FKBP15: variants seen among roughly 807,000 people sequenced by gnomAD.
FKBP15 encodes the protein FK506-binding protein 15.
Under a neutral mutation model 158.1 loss-of-function variants are expected in FKBP15, and 106 were observed. That is an observed-to-expected ratio of 0.67 (90% CI 0.57 to 0.79). The LOEUF (loss-of-function observed/expected upper bound fraction) is 0.79, where lower values mean the gene tolerates loss of function less well. FKBP15 is among the 30% of genes least tolerant of loss of function. The pLI, the probability that FKBP15 is intolerant of heterozygous loss-of-function variation, is 0.00. For synonymous variants in FKBP15, 547 were observed against 548.6 expected (o/e 1.00, Z 0.04); for missense variants, 1,287 against 1,479.1 (o/e 0.87, Z 2.13).
chr9:113,177,402 CA>C (rs750080287), intron 20 of FKBP15, among the ~76,000 whole-genome samples: 10 of 152,198 alleles, frequency 6.6e-5, no homozygotes, highest in Non-Finnish European at 1.2e-4. Flanking sequence ...TAAGGCACCA[CA>C]AAAGCAGAAA....
intron 12 of FKBP15, 178 bp from the exon 13 acceptor site, chr9:113,188,669 A>G (rs1436802892): frequency 5.3e-6 from 3 of 569,204 alleles, no homozygotes; most frequent in South Asian, 4.2e-5. Flanking sequence ...GCACTCTGCT[A>G]TGCAATAAAG....
intron 21 of FKBP15, among the ~76,000 whole-genome samples, chr9:113,176,266 G>A (rs1004394591): frequency 6.6e-6 from 1 of 152,086 alleles, no homozygotes; most frequent in Non-Finnish European, 1.5e-5. Context: ...TACCACTACT[G>A]TAAAAAAAGT....
At position 113,169,493 on chromosome 9, in the gene FKBP15, G is replaced by T; in HGVS notation, c.3216C>A (p.Asp1072Glu). 6.2e-7 allele frequency: 1 copy of T among 1,614,060 alleles called. No individual in the cohort carries two copies. The highest frequency in any genetic ancestry group is 8.5e-7 in the Non-Finnish European group (1 of 1,179,914). Residue 1072 changes from aspartate to glutamate, a missense_variant, in exon 26 of 28, where the codon GAC becomes GAA. Coordinates refer to ENST00000238256, the MANE Select transcript of FKBP15 (RefSeq NM_015258.2). ...LAASPMAAKP[D>E]NPSGKVCVRE... ...TGACACAGACCTTTCCTGATGGGTT[G>T]TCGGGCTTAGCTGCCATTGGGCTGG...
chr9:113,188,437 G>C lies in FKBP15; in HGVS notation c.1228C>G (p.Pro410Ala). 1 of 1,613,940 alleles carries C rather than the reference G, an allele frequency of 6.2e-7. No homozygotes were observed. The highest frequency in any genetic ancestry group is 8.5e-7 in the Non-Finnish European group (1 of 1,179,866). ...GQPVVTPSVQ[P>A]SLHPAHPALP... ...GCTGGATGGGCCGGATGAAGAGAGG[G>C]CTGGACGGACGGAGTCACCACAGGC... The change falls in exon 13 of 28, where the codon CCC becomes GCC. Residue 410 changes from proline (P) to alanine (A), a missense_variant. Pro to Ala is a conservative substitution (Grantham distance 27). Coordinates refer to ENST00000238256, the MANE Select transcript of FKBP15 (RefSeq NM_015258.2).
At chr9:113,204,111 CTT>C (rs1465241568) in intron 4 of FKBP15, among the ~76,000 whole-genome samples, 1 of 151,712 alleles carries the variant, frequency 6.6e-6, no homozygotes, top group Non-Finnish European at 1.5e-5. Flanking sequence ...ACGTTTCACT[CTT>C]GTTGCCCAGG....
rs763035975 is a variant in FKBP15, at chr9:113,168,449, G to A, written c.3582+11C>T. On this transcript the variant is annotated intron_variant, in intron 27 of 27. Coordinates refer to ENST00000238256, the MANE Select transcript of FKBP15 (RefSeq NM_015258.2). ...TGTGTGAGGACTTGACAGTGCCTGG[G>A]ATTTCCTTACCACCTCGTCTTCATC... The A allele has an allele frequency of 8.7e-6, 14 of 1,612,512 alleles. No individual in the cohort carries two copies. Among genetic ancestry groups the A allele is most frequent in the Non-Finnish European group, 1.2e-5 (14 of 1,178,550 alleles).
rs754612767 is a variant in FKBP15, at chr9:113,211,465, C to T, written c.169+12G>A. 6.3e-7 allele frequency: 1 copy of T among 1,597,338 alleles called. No homozygotes were observed. Among genetic ancestry groups the T allele is most frequent in the South Asian group, 1.1e-5 (1 of 88,090 alleles). ...TTAGCCACCTCGCTCGGCTAATACACTCTTAACTTACCTGTTGCTGCCGTT... is the reference window on the plus strand; with the variant it reads ...TTAGCCACCTCGCTCGGCTAATACATTCTTAACTTACCTGTTGCTGCCGTT... On this transcript the variant is annotated intron_variant, in intron 2 of 27. Transcript: ENST00000238256.
chr9:113,208,532 C>CT (rs993805875), intron 2 of FKBP15, among the ~76,000 whole-genome samples: 4 of 151,962 alleles, frequency 2.6e-5, no homozygotes, highest in Non-Finnish European at 4.4e-5. Flanking sequence ...TGTATTAACA[C>CT]TTTTTTTTCT....
chr9:113,179,234 CTTA>C (rs1343819413), intron 19 of FKBP15, among the ~76,000 whole-genome samples: 1 of 152,060 alleles, frequency 6.6e-6, no homozygotes, highest in East Asian at 1.9e-4. Context: ...TGTCTATTTC[CTTA>C]TTATCATTTG....
In FKBP15 at chr9:113,184,423, C is replaced by T. The variant is rs1587958209; in HGVS notation, c.1609-24G>A. 1.3e-6 allele frequency: 2 copies of T among 1,509,482 alleles called. No homozygotes were observed. The highest frequency in any genetic ancestry group is 1.9e-5 in the Admixed American group (1 of 53,870). The allele number at this position is 1,509,482 out of a possible 1,614,324, so 93.5% of individuals were successfully genotyped here. On this transcript the variant is annotated intron_variant, in intron 16 of 27. Coordinates refer to ENST00000238256, the MANE Select transcript of FKBP15 (RefSeq NM_015258.2). The surrounding 1 kb of genome is among the most constrained non-coding windows in gnomAD (Gnocchi z 4.5). ...ACCTACAAAAGGGATACCAGAAAGA[C>T]CTTGTGAGAAATTATAAAATGAAGA...
chr9:113,194,450 T>TAA (rs540298480), intron 9 of FKBP15, among the ~76,000 whole-genome samples: 53 of 144,998 alleles, frequency 3.7e-4, no homozygotes, highest in African/African-American at 1.1e-3. Flanking sequence ...ATAAATAAAT[T>TAA]AAAAAAAAAA....
At chr9:113,216,298 A>G (rs1016691128) in intron 1 of FKBP15, among the ~76,000 whole-genome samples, 1 of 152,214 alleles carries the variant, frequency 6.6e-6, no homozygotes. Context: ...GGTTTTTTTA[A>G]AACAAGTTTT....
chr9:113,207,150 A>AATT, intron 3 of FKBP15, 62 bp downstream of exon 3: 1 of 1,100,090 alleles, frequency 9.1e-7, no homozygotes, highest in Non-Finnish European at 1.3e-6. Flanking sequence ...TTTCGAGAAA[A>AATT]AGTAGCTTAA....
At position 113,171,677 on chromosome 9, in the gene FKBP15, A is replaced by G; in HGVS notation, c.2562T>C (p.Ala854=). Residue 854 remains alanine (A), a synonymous_variant, in exon 24 of 28, where the codon GCT becomes GCC. Transcript: ENST00000238256. ...KCLALQAQIT[A]LTKQNEQHIK... ...TGTGCTGTTCATTTTGCTTGGTGAG[A>G]GCTGTGATTTGGGCCTGGAGGGCTA... 1 of 1,600,732 alleles carries G rather than the reference A, an allele frequency of 6.2e-7. No individual in the cohort carries two copies. The highest frequency in any genetic ancestry group is 8.5e-7 in the Non-Finnish European group (1 of 1,173,398).
chr9:113,165,994 G>GC lies in FKBP15; in HGVS notation c.*83_*84insG. ...ATGCTCACCTTGACCTCACCCTGTGGTTCGCCTAGACCCAGGGTTGGCTGT... is the reference window on the plus strand; with the variant it reads ...ATGCTCACCTTGACCTCACCCTGTGGCTTCGCCTAGACCCAGGGTTGGCTGT... On this transcript the variant is annotated 3_prime_UTR_variant, in exon 28 of 28. Coordinates refer to ENST00000238256, the MANE Select transcript of FKBP15 (RefSeq NM_015258.2). 1 of 1,331,754 alleles carries GC rather than the reference G, an allele frequency of 7.5e-7. No individual in the cohort carries two copies. The highest frequency in any genetic ancestry group is 2.0e-5 in the Admixed American group (1 of 50,176). 82.5% of individuals were successfully genotyped at this position (1,331,754 alleles called of 1,614,324 possible). A position where few individuals can be genotyped will look rare whatever the true frequency, so the allele number is the denominator to read the frequency against.
chr9:113,216,837 A>G (rs1473105288), intron 1 of FKBP15, among the ~76,000 whole-genome samples: 1 of 152,138 alleles, frequency 6.6e-6, no homozygotes, highest in African/African-American at 2.4e-5. Flanking sequence ...AGACCAGCCA[A>G]CTGAAGACTA....
intron 14 of FKBP15, chr9:113,186,877 T>A (rs1587959896): frequency 6.5e-6 from 1 of 154,714 alleles, no homozygotes; most frequent in Middle Eastern, 3.4e-3. Context: ...TAATATCACT[T>A]CATAGGGCTG....
At chr9:113,210,628 T>A (rs1227313016) in intron 2 of FKBP15, among the ~76,000 whole-genome samples, 1 of 152,140 alleles carries the variant, frequency 6.6e-6, no homozygotes, top group Non-Finnish European at 1.5e-5. Flanking sequence ...CTTGATTGGA[T>A]TGAAGTACAC....
At chr9:113,181,309 G>A (rs550937936) in intron 19 of FKBP15, among the ~76,000 whole-genome samples, 8 of 152,074 alleles carry the variant, frequency 5.3e-5, no homozygotes, top group Non-Finnish European at 1.0e-4. Flanking sequence ...CTAATTCAGG[G>A]GCTGGCAAAC....
Sources: allele counts gnomAD v4.1 joint callset (sites outside exome capture counted in the v4.1 genomes callset), GRCh38; gene constraint gnomAD v4.1.1; non-coding constraint Gnocchi (gnomAD v3.1); transcripts MANE v1.5; gene names NCBI Gene and HGNC (gene_info 2026-07-23, HGNC 2026-07-21).